CTNNA1: variants seen among roughly 807,000 people sequenced by gnomAD.
CTNNA1 encodes the protein catenin alpha-1.
A neutral mutation model predicts 98.4 loss-of-function variants in CTNNA1; 37 were observed. That is an observed-to-expected ratio of 0.38 (90% CI 0.29 to 0.49). The LOEUF (loss-of-function observed/expected upper bound fraction) is 0.49, where lower values mean the gene tolerates loss of function less well. CTNNA1 is among the 20% of genes least tolerant of loss of function. CTNNA1 has a pLI of 0.95. For missense variants in CTNNA1, 761 were observed against 1,147.2 expected (o/e 0.66, Z 4.86); for synonymous variants, 404 against 413.2 (o/e 0.98, Z 0.27).
intron 3 of CTNNA1, among the ~76,000 whole-genome samples, chr5:138,804,532 G>A (rs562718295): frequency 2.6e-5 from 4 of 152,252 alleles, no homozygotes; most frequent in Non-Finnish European, 4.4e-5. Flanking sequence ...TGCCTGTTGT[G>A]GCAAATGGCG....
At chr5:138,768,995 A>G (rs1026945675) in intron 1 of CTNNA1, among the ~76,000 whole-genome samples, 29 of 152,242 alleles carry the variant, frequency 1.9e-4, no homozygotes, top group African/African-American at 7.0e-4. Flanking sequence ...GAATGACTGA[A>G]TAGGTCATCC....
chr5:138,810,239 A>G lies in CTNNA1; in HGVS notation c.468+35A>G, dbSNP rs367777008. The G allele has an allele frequency of 3.4e-4, 540 of 1,593,592 alleles. No homozygotes were observed. Among genetic ancestry groups the G allele is most frequent in the South Asian group, 6.7e-4 (61 of 90,454 alleles). On this transcript the variant is annotated intron_variant, in intron 4 of 17. Transcript: ENST00000302763. ...CAGGCCTATGTCTGTAATTTGTTCT[A>G]TCACAGGAAGATTGCTACTGGCCTT...
At chr5:138,888,802 A>G (rs2150041246) in intron 9 of CTNNA1, among the ~76,000 whole-genome samples, 1 of 152,138 alleles carries the variant, frequency 6.6e-6, no homozygotes, top group South Asian at 2.1e-4. Context: ...GGCCTCCCAA[A>G]GTGCTAGGAT....
rs747927753 is a variant in CTNNA1, at chr5:138,874,068, G to A, written c.1063-12144G>A. 5.0e-6 allele frequency: 8 copies of A among 1,613,838 alleles called. No individual in the cohort carries two copies. The Admixed American group carries it at 5.0e-5, about 10-fold the overall frequency. On this transcript the variant is annotated intron_variant, in intron 7 of 17. Coordinates refer to ENST00000302763, the MANE Select transcript of CTNNA1 (RefSeq NM_001903.5). The surrounding 1 kb of genome is among the most constrained non-coding windows in gnomAD (Gnocchi z 4.1). ...GGGATAGTCCGCAGGGAGTTGGAAC[G>A]TAAATGCAAGGTCTGCAGCTTCCGA...
intron 7 of CTNNA1, among the ~76,000 whole-genome samples, chr5:138,884,086 A>G (rs150669536): frequency 1.1e-3 from 162 of 152,328 alleles, no homozygotes; most frequent in East Asian, 9.6e-3. Context: ...TTGATTTTAT[A>G]CATTTTAGGG....
chr5:138,824,905 C>T, intron 6 of CTNNA1, 106 bp downstream of exon 6: 3 of 1,027,230 alleles, frequency 2.9e-6, no homozygotes, highest in Non-Finnish European at 4.4e-6. Context: ...TCAATTTCCA[C>T]TTAGATCTTT....
At chr5:138,852,768 T>C (rs1260767076) in intron 7 of CTNNA1, among the ~76,000 whole-genome samples, 1 of 151,832 alleles carries the variant, frequency 6.6e-6, no homozygotes, top group East Asian at 1.9e-4. Flanking sequence ...ACATTCCACA[T>C]CCTCTCCTCC....
intron 8 of CTNNA1, 74 bp from the exon 9 acceptor site, chr5:138,887,416 A>G: frequency 8.8e-7 from 1 of 1,137,104 alleles, no homozygotes; most frequent in African/African-American, 1.6e-5. Context: ...TTAAGTGTAC[A>G]AGAGAATAAA....
chr5:138,810,959 G>A (rs1341894793), intron 4 of CTNNA1, among the ~76,000 whole-genome samples: 5 of 140,550 alleles, frequency 3.6e-5, no homozygotes, highest in South Asian at 2.1e-4. Flanking sequence ...GCAGCTGGCC[G>A]GGCAGGGGGC....
intron 7 of CTNNA1, among the ~76,000 whole-genome samples, chr5:138,830,759 G>T (rs1470304456): frequency 1.3e-5 from 2 of 152,232 alleles, no homozygotes; most frequent in Non-Finnish European, 2.9e-5. Flanking sequence ...GTAAGAGGAG[G>T]AATGAGGCTC....
chr5:138,770,073 G>C (rs1580900114), intron 1 of CTNNA1, among the ~76,000 whole-genome samples: 1 of 152,132 alleles, frequency 6.6e-6, no homozygotes, highest in African/African-American at 2.4e-5. Context: ...GATCTCAAGT[G>C]ATCCGCCTGC....
intron 1 of CTNNA1, among the ~76,000 whole-genome samples, chr5:138,774,915 A>G (rs1286106932): frequency 2.0e-5 from 3 of 152,160 alleles, no homozygotes; most frequent in Non-Finnish European, 2.9e-5. Flanking sequence ...GTCCTGTGCC[A>G]CCTTTTTTAA....
At chr5:138,880,864 T>C in intron 7 of CTNNA1, 1 of 343,538 alleles carries the variant, frequency 2.9e-6, no homozygotes, top group South Asian at 2.3e-5. Context: ...TTGATGAAGC[T>C]TGGAAACCAT....
rs145134809 is a variant in CTNNA1 at position 138,873,592 on chromosome 5, G to A, written c.1063-12620G>A. 3 of 1,613,972 alleles carry A rather than the reference G, an allele frequency of 1.9e-6. No individual in the cohort carries two copies. The East Asian group carries it at 6.7e-5, about 36-fold the overall frequency. On this transcript the variant is annotated intron_variant, in intron 7 of 17. Transcript: ENST00000302763. The surrounding 1 kb of genome is among the most constrained non-coding windows in gnomAD (Gnocchi z 6.1). ...GACCTTGGAAACTGCCCAGCCAGGA[G>A]GCCAGAGCACATATTCGGGCGCTGC... is the stretch of plus-strand genomic sequence containing the variant.
chr5:138,824,824 T>G, intron 6 of CTNNA1, 25 bp downstream of exon 6: 1 of 1,604,368 alleles, frequency 6.2e-7, no homozygotes, highest in South Asian at 1.1e-5. Flanking sequence ...GGTGGAAATT[T>G]CCAGCTCTTG....
intron 3 of CTNNA1, among the ~76,000 whole-genome samples, chr5:138,801,943 A>G (rs566312423): frequency 2.4e-4 from 37 of 152,236 alleles, no homozygotes; most frequent in South Asian, 1.7e-3. Context: ...CTCGACTTAA[A>G]TGAGGAATGT....
chr5:138,770,688 C>T (rs913726793), intron 1 of CTNNA1, among the ~76,000 whole-genome samples: 17 of 152,162 alleles, frequency 1.1e-4, no homozygotes, highest in African/African-American at 3.1e-4. Context: ...CGCGGTGGCT[C>T]ATGCCTTTAA....
intron 5 of CTNNA1, among the ~76,000 whole-genome samples, chr5:138,822,832 A>T (rs1045850595): frequency 6.6e-6 from 1 of 152,252 alleles, no homozygotes; most frequent in Admixed American, 6.5e-5. Context: ...TTGAATAAAG[A>T]TGCAAACCTA....
chr5:138,901,062 C>A (rs371842184), intron 9 of CTNNA1, among the ~76,000 whole-genome samples: 1 of 152,212 alleles, frequency 6.6e-6, no homozygotes, highest in Admixed American at 6.5e-5. Flanking sequence ...CACTGTTCTA[C>A]GAAGTCTTGG....
Sources: gnomAD v4.1 joint callset for allele counts (sites outside exome capture counted in the v4.1 genomes callset) on GRCh38, gnomAD v4.1.1 for gene constraint, Gnocchi (gnomAD v3.1) non-coding constraint, MANE v1.5 for transcripts, NCBI Gene and HGNC (gene_info 2026-07-23, HGNC 2026-07-21) for gene names.